FMNL3: variants seen among roughly 807,000 people sequenced by gnomAD.
FMNL3 encodes the protein formin-like protein 3.
In FMNL3, 57 loss-of-function variants were observed where a neutral mutation model predicts 119.6. The observed-to-expected ratio is 0.48, with a 90% confidence interval of 0.39 to 0.59. The LOEUF (loss-of-function observed/expected upper bound fraction) is 0.59, where lower values mean the gene tolerates loss of function less well. FMNL3 is among the 20% of genes least tolerant of loss of function. The pLI, the probability that FMNL3 is intolerant of heterozygous loss-of-function variation, is 0.00. For missense variants in FMNL3, 1,053 were observed against 1,323.5 expected (o/e 0.80, Z 3.17); for synonymous variants, 491 against 507.3 (o/e 0.97, Z 0.43).
intron 1 of FMNL3, among the ~76,000 whole-genome samples, chr12:49,676,085 C>T (rs150113920): frequency 0.015 from 2,351 of 152,298 alleles, 21 homozygotes; most frequent in Middle Eastern, 0.041. Flanking sequence ...AAATAATCAG[C>T]CCCTCTCTTG....
intron 4 of FMNL3, among the ~76,000 whole-genome samples, chr12:49,665,220 A>G (rs1020507349): frequency 6.7e-6 from 1 of 149,768 alleles, no homozygotes; most frequent in African/African-American, 2.5e-5. Flanking sequence ...TTTCCCACTC[A>G]GGGACTGGAA....
chr12:49,694,574 G>A (rs1442715693), intron 1 of FMNL3, among the ~76,000 whole-genome samples: 1 of 152,064 alleles, frequency 6.6e-6, no homozygotes, highest in Admixed American at 6.6e-5. Context: ...TATTGACCAC[G>A]GACATAGTCA....
intron 1 of FMNL3, among the ~76,000 whole-genome samples, chr12:49,693,157 G>T (rs939364302): frequency 3.0e-4 from 45 of 152,150 alleles, no homozygotes; most frequent in African/African-American, 1.1e-3. Context: ...GCCAGGGAAT[G>T]ATGCTATTTA....
At chr12:49,697,748 C>T (rs1163962494) in intron 1 of FMNL3, among the ~76,000 whole-genome samples, 1 of 152,072 alleles carries the variant, frequency 6.6e-6, no homozygotes, top group Non-Finnish European at 1.5e-5. Context: ...ACTATGTTGT[C>T]TCCTGTAAGC....
chr12:49,672,452 T>A (rs1944071817), intron 1 of FMNL3, among the ~76,000 whole-genome samples: 2 of 152,140 alleles, frequency 1.3e-5, no homozygotes, highest in Admixed American at 1.3e-4. Context: ...AAACATCTAA[T>A]AATAAAAATC....
At chr12:49,648,088 A>G in intron 22 of FMNL3, 105 bp downstream of exon 22, 1 of 1,371,998 alleles carries the variant, frequency 7.3e-7, no homozygotes, top group Non-Finnish European at 9.7e-7. Flanking sequence ...ACATGTAGCC[A>G]GCCAGCTGCT....
chr12:49,638,047 A>C lies in FMNL3; in HGVS notation c.*7768T>G. On this transcript the variant is annotated 3_prime_UTR_variant, in exon 26 of 26. Coordinates refer to ENST00000335154, the MANE Select transcript of FMNL3 (RefSeq NM_175736.5). ...AGATATACATGAGAACTGTTATACA[A>C]AGGGGCAAGTGTTATTACAGAGACA... 1 of 527,586 alleles carries C rather than the reference A, an allele frequency of 1.9e-6. No homozygotes were observed. The highest frequency in any genetic ancestry group is 3.4e-6 in the Non-Finnish European group (1 of 295,764). 32.7% of individuals were successfully genotyped at this position (527,586 alleles called of 1,614,324 possible).
chr12:49,666,102 G>A (rs1475762038), intron 3 of FMNL3, 25 bp downstream of exon 3: 2 of 1,609,068 alleles, frequency 1.2e-6, no homozygotes, highest in Non-Finnish European at 1.7e-6. Context: ...GTGGCAAGAC[G>A]GGGACTCTCT....
intron 6 of FMNL3, 94 bp from the exon 7 acceptor site, chr12:49,657,284 T>A: frequency 1.1e-6 from 1 of 932,844 alleles, no homozygotes; most frequent in Admixed American, 2.0e-5. Flanking sequence ...GGCTGCCCCT[T>A]AGCAGTGGCA....
At chr12:49,686,502 C>T (rs542717802) in intron 1 of FMNL3, among the ~76,000 whole-genome samples, 7 of 145,078 alleles carry the variant, frequency 4.8e-5, no homozygotes, top group Non-Finnish European at 9.0e-5. Flanking sequence ...GGCATGAACT[C>T]GGGAGGCGGA....
At chr12:49,666,949 T>A (rs1408974925) in intron 2 of FMNL3, among the ~76,000 whole-genome samples, 1 of 151,844 alleles carries the variant, frequency 6.6e-6, no homozygotes, top group Non-Finnish European at 1.5e-5. Flanking sequence ...ACTGGAATGG[T>A]TTTGCTGAGC....
intron 4 of FMNL3, among the ~76,000 whole-genome samples, chr12:49,662,774 G>A (rs1184092423): frequency 6.6e-6 from 1 of 152,112 alleles, no homozygotes; most frequent in Non-Finnish European, 1.5e-5. Flanking sequence ...CATATCCCAG[G>A]GCATTATTTT....
chr12:49,706,263 C>T (rs1387136411), intron 1 of FMNL3, among the ~76,000 whole-genome samples: 3 of 152,164 alleles, frequency 2.0e-5, no homozygotes, highest in South Asian at 2.1e-4. Context: ...GCTCTAAAAA[C>T]CCATTTATAC....
At chr12:49,655,064 C>A (rs1275731439) in intron 9 of FMNL3, 80 bp from the exon 10 acceptor site, 8 of 1,310,016 alleles carry the variant, frequency 6.1e-6, no homozygotes, top group Non-Finnish European at 6.5e-6. Context: ...CTAGGAACAT[C>A]ATGGCAAAGG....
intron 1 of FMNL3, among the ~76,000 whole-genome samples, chr12:49,681,980 G>A (rs777869238): frequency 6.6e-6 from 1 of 151,802 alleles, no homozygotes; most frequent in Non-Finnish European, 1.5e-5. Context: ...GAAAGACCCT[G>A]TAAGTGGTAA....
At position 49,644,804 on chromosome 12, in the gene FMNL3, A is replaced by C. The variant is rs2138688901; in HGVS notation, c.*1011T>G. ...ACCTAGCCGGTTCTCCTTTCCCCAGAGTTCTGATCTCATCTCCTCCAAAAC... is the reference window on the plus strand; with the variant it reads ...ACCTAGCCGGTTCTCCTTTCCCCAGCGTTCTGATCTCATCTCCTCCAAAAC... On this transcript the variant is annotated 3_prime_UTR_variant, in exon 26 of 26. Transcript: ENST00000335154. The C allele has an allele frequency of 6.4e-6, 1 of 156,222 alleles. No homozygotes were observed. Among genetic ancestry groups the C allele is most frequent in the East Asian group, 1.9e-4 (1 of 5,258 alleles). The allele number at this position is 156,222 out of a possible 1,614,324, so 9.7% of individuals were successfully genotyped here.
chr12:49,650,956 G>A, intron 16 of FMNL3, 78 bp from the exon 17 acceptor site: 6 of 1,532,840 alleles, frequency 3.9e-6, no homozygotes, highest in South Asian at 1.1e-5. Flanking sequence ...ACCCAGCATT[G>A]GCCCAGAGCT....
chr12:49,651,137 C>T (rs778748872), intron 16 of FMNL3, 31 bp downstream of exon 16: 2 of 1,606,762 alleles, frequency 1.2e-6, no homozygotes, highest in South Asian at 1.1e-5. Flanking sequence ...TAGCCCTCAA[C>T]CTTAGCCCTC....
chr12:49,662,167 A>G (rs1943752535), intron 4 of FMNL3, 118 bp from the exon 5 acceptor site: 4 of 921,234 alleles, frequency 4.3e-6, no homozygotes, highest in South Asian at 4.3e-5. Flanking sequence ...AGGCTAAGAA[A>G]ATTCTGAAGA....
Sources: allele counts gnomAD v4.1 joint callset (sites outside exome capture counted in the v4.1 genomes callset), GRCh38; gene constraint gnomAD v4.1.1; transcripts MANE v1.5; gene names NCBI Gene and HGNC (gene_info 2026-07-23, HGNC 2026-07-21).